Variants in JAKMIP1 observed in about 807,000 individuals in gnomAD.
The protein encoded by JAKMIP1 is janus kinase and microtubule interacting protein 1.
Under a neutral mutation model 113.0 loss-of-function variants are expected in JAKMIP1, and 33 were observed. The observed-to-expected ratio is 0.29, with a 90% CI of 0.22 to 0.39. The LOEUF (loss-of-function observed/expected upper bound fraction) is 0.39. JAKMIP1 is among the 10% of genes least tolerant of loss of function. The pLI is 1.00. For missense variants in JAKMIP1, 813 were observed against 1,080.5 expected (o/e 0.75, Z 3.47); for synonymous variants, 480 against 459.9 (o/e 1.04, Z -0.56).
In JAKMIP1 at chr4:6,138,711, G is replaced by A. The variant is rs970885387; in HGVS notation, c.-147-25714C>T. On this transcript the variant is annotated intron_variant, in intron 1 of 20. Coordinates refer to ENST00000409021, the MANE Select transcript of JAKMIP1 (RefSeq NM_001099433.2). This position sits in a 1 kb window ranked among gnomAD's most constrained non-coding sequence, Gnocchi z 6.0. The stretch of plus-strand genomic sequence containing the variant: ...GGCCGTGCAGTGGCGTGTTCTCAAC[G>A]GCCAGCTCTGTCTCAGAATGGGTAC... Among the ~76,000 whole-genome samples the A allele has an allele frequency of 5.3e-5, 8 of 152,182 alleles. No individual in the cohort carries two copies. The East Asian group carries it at 5.8e-4, about 11-fold the overall frequency.
rs1487125362 is a variant in JAKMIP1 at position 6,050,570 on chromosome 4, C to T, written c.1908+8G>A. The T allele has an allele frequency of 1.3e-6, 2 of 1,556,834 alleles. No individual in the cohort carries two copies. Among genetic ancestry groups the T allele is most frequent in the Non-Finnish European group, 1.7e-6 (2 of 1,148,872 alleles). On this transcript the variant is annotated splice_region_variant and intron_variant, in intron 14 of 20. Transcript: ENST00000409021. The surrounding 1 kb of genome is among the most constrained non-coding windows in gnomAD (Gnocchi z 7.4). ...GCATTCAGCAGAGGCACCCCCCAGG[C>T]ACGCTACCTTAACTCCTTCCTGGTG...
chr4:6,035,147 C>T (rs941487322), intron 19 of JAKMIP1, among the ~76,000 whole-genome samples: 1 of 152,132 alleles, frequency 6.6e-6, no homozygotes. Flanking sequence ...TTCTCTCTCT[C>T]TCTGCCCGCA....
At chr4:6,099,820 A>G (rs1415328289) in intron 3 of JAKMIP1, among the ~76,000 whole-genome samples, 2 of 152,120 alleles carry the variant, frequency 1.3e-5, no homozygotes, top group African/African-American at 4.8e-5. Flanking sequence ...CTTATTGTAA[A>G]ATAATATTTT....
intron 1 of JAKMIP1, among the ~76,000 whole-genome samples, chr4:6,182,541 AG>A (rs776001623): frequency 1.3e-5 from 2 of 152,330 alleles, no homozygotes; most frequent in East Asian, 1.9e-4. Flanking sequence ...CCTGCGAACC[AG>A]GAAGAGGGGC....
chr4:6,150,654 C>T lies in JAKMIP1; in HGVS notation c.-147-37657G>A, dbSNP rs915142239. On this transcript the variant is annotated intron_variant, in intron 1 of 20. Transcript: ENST00000409021. The surrounding 1 kb of genome is among the most constrained non-coding windows in gnomAD (Gnocchi z 4.8). ...TGCATCAGCGTCTGTCTGGCTTCCT[C>T]TTCAAAACCCAACAGACTCCATCTG... 3 of 152,258 alleles carry T rather than the reference C, an allele frequency of 2.0e-5. No homozygotes were observed. The highest frequency in any genetic ancestry group is 4.4e-5 in the Non-Finnish European group (3 of 68,072). 9.4% of individuals were successfully genotyped at this position (152,258 alleles called of 1,614,324 possible). A position where few individuals can be genotyped will look rare whatever the true frequency, so the allele number is the denominator to read the frequency against.
intron 1 of JAKMIP1, among the ~76,000 whole-genome samples, chr4:6,125,140 G>A (rs1246058273): frequency 6.6e-6 from 1 of 152,112 alleles, no homozygotes; most frequent in Non-Finnish European, 1.5e-5. Context: ...GGATGTGTGC[G>A]TTTCTGCATG....
rs1725634153 is a variant in JAKMIP1 at position 6,178,388 on chromosome 4, G to T, written c.-148+21865C>A. The stretch of plus-strand genomic sequence containing the variant: ...GGGAGGTAATTGAATCATGGGGGCA[G>T]TTTACCCCATACTATTCTCATGATA... On this transcript the variant is annotated intron_variant, in intron 1 of 20. Coordinates refer to ENST00000409021, the MANE Select transcript of JAKMIP1 (RefSeq NM_001099433.2). This position sits in a 1 kb window ranked among gnomAD's most constrained non-coding sequence, Gnocchi z 5.5. Among the ~76,000 whole-genome samples, 1 of 152,164 alleles carries T rather than the reference G, an allele frequency of 6.6e-6. No homozygotes were observed. Among genetic ancestry groups the T allele is most frequent in the African/African-American group, 2.4e-5 (1 of 41,446 alleles).
chr4:6,033,188 G>T (rs530287025), intron 19 of JAKMIP1, among the ~76,000 whole-genome samples: 1 of 152,314 alleles, frequency 6.6e-6, no homozygotes, highest in African/African-American at 2.4e-5. Context: ...AATTTCAGCT[G>T]GGGCTGGGCA....
intron 1 of JAKMIP1, among the ~76,000 whole-genome samples, chr4:6,159,248 G>T (rs151237981): frequency 1.3e-5 from 2 of 151,400 alleles, no homozygotes; most frequent in African/African-American, 4.9e-5. Flanking sequence ...TTCTCATGTG[G>T]ATTACAAATT....
At chr4:6,198,274 A>G (rs143518247) in intron 1 of JAKMIP1, among the ~76,000 whole-genome samples, 26 of 152,206 alleles carry the variant, frequency 1.7e-4, no homozygotes, top group African/African-American at 5.8e-4. Flanking sequence ...TTAATCATGA[A>G]TCGTTCTCCA....
intron 1 of JAKMIP1, among the ~76,000 whole-genome samples, chr4:6,126,367 A>AC (rs1560232926): frequency 5.8e-4 from 14 of 24,032 alleles, no homozygotes; most frequent in African/African-American, 4.5e-3. Context: ...AGAAACACAC[A>AC]CATGCACAAA....
rs762974513 is a variant in JAKMIP1, at chr4:6,044,218, G to A, written c.2029-1991C>T. On this transcript the variant is annotated intron_variant, in intron 16 of 20. Transcript: ENST00000409021. This position sits in a 1 kb window ranked among gnomAD's most constrained non-coding sequence, Gnocchi z 4.4. ...TGTTGTCTGTTTCACCCCTCACCCCGCTGCCCCCCTTGAAGGTGGGGACCA... is the reference window on the plus strand; with the variant it reads ...TGTTGTCTGTTTCACCCCTCACCCCACTGCCCCCCTTGAAGGTGGGGACCA... Among the ~76,000 whole-genome samples, 11 of 151,956 alleles carry A rather than the reference G, an allele frequency of 7.2e-5. No homozygotes were observed. Among genetic ancestry groups the A allele is most frequent in the Non-Finnish European group, 1.3e-4 (9 of 67,990 alleles).
At chr4:6,082,128 A>G (rs1431271574) in intron 5 of JAKMIP1, among the ~76,000 whole-genome samples, 3 of 152,120 alleles carry the variant, frequency 2.0e-5, no homozygotes, top group Non-Finnish European at 4.4e-5. Context: ...TTTTATAGAC[A>G]AAGAACCTGA....
intron 1 of JAKMIP1, among the ~76,000 whole-genome samples, chr4:6,124,992 G>A (rs1717205214): frequency 1.3e-5 from 2 of 152,186 alleles, no homozygotes; most frequent in African/African-American, 2.4e-5. Context: ...GGCCTAACAG[G>A]TCAGGGGCTG....
At chr4:6,092,135 C>A (rs969010144) in intron 3 of JAKMIP1, among the ~76,000 whole-genome samples, 1 of 152,190 alleles carries the variant, frequency 6.6e-6, no homozygotes, top group Non-Finnish European at 1.5e-5. Context: ...CCCAGCAACA[C>A]CCTCAGTGCC....
intron 1 of JAKMIP1, among the ~76,000 whole-genome samples, chr4:6,145,951 T>C (rs1433240360): frequency 6.6e-6 from 1 of 152,158 alleles, no homozygotes; most frequent in African/African-American, 2.4e-5. Flanking sequence ...TGTCACATTC[T>C]GAGGTACTGA....
rs939695983 is a variant in JAKMIP1 at position 6,061,600 on chromosome 4, T to G, written c.1560+712A>C. Among the ~76,000 whole-genome samples, 1 of 151,764 alleles carries G rather than the reference T, an allele frequency of 6.6e-6. No homozygotes were observed. The highest frequency in any genetic ancestry group is 1.5e-5 in the Non-Finnish European group (1 of 67,924). ...GCTCTGTTCAGCATCATCTGGGTAT[T>G]TGGGGGCAAGTTGCTCAGTTCTGAG... On this transcript the variant is annotated intron_variant, in intron 10 of 20. Coordinates refer to ENST00000409021, the MANE Select transcript of JAKMIP1 (RefSeq NM_001099433.2). This position sits in a 1 kb window ranked among gnomAD's most constrained non-coding sequence, Gnocchi z 5.3.
rs558667188 is a variant in JAKMIP1 at position 6,192,051 on chromosome 4, G to C, written c.-148+8202C>G. ...GGGTTTGAGCTATTCTCCTGCCTCA[G>C]CCTCCCGAGTAGTTGGGATTACAGG... On this transcript the variant is annotated intron_variant, in intron 1 of 20. Transcript: ENST00000409021. The surrounding 1 kb of genome is among the most constrained non-coding windows in gnomAD (Gnocchi z 5.0). Among the ~76,000 whole-genome samples, 127 of 152,076 alleles carry C rather than the reference G, an allele frequency of 8.4e-4. No individual in the cohort carries two copies. In the Middle Eastern group the frequency reaches 0.014, roughly 16 times the overall value.
At chr4:6,103,841 C>T (rs1713474461) in intron 3 of JAKMIP1, among the ~76,000 whole-genome samples, 1 of 152,236 alleles carries the variant, frequency 6.6e-6, no homozygotes, top group African/African-American at 2.4e-5. Context: ...TCCCCCTTTA[C>T]ATTTTTGATA....
Sources: allele counts gnomAD v4.1 joint callset (sites outside exome capture counted in the v4.1 genomes callset), GRCh38; gene constraint gnomAD v4.1.1; non-coding constraint Gnocchi (gnomAD v3.1); transcripts MANE v1.5; gene names NCBI Gene and HGNC (gene_info 2026-07-23, HGNC 2026-07-21).